Variants in ZNF546 observed in about 807,000 individuals in gnomAD.
The protein encoded by ZNF546 is zinc finger protein 546.
ZNF546 carries 60 observed loss-of-function variants against 76.2 expected under a neutral mutation model. That is an observed-to-expected ratio of 0.79 (90% confidence interval 0.64 to 0.98). The LOEUF (loss-of-function observed/expected upper bound fraction) is 0.98, where lower values mean the gene tolerates loss of function less well. ZNF546 is among the 50% of genes least tolerant of loss of function. The pLI, the probability that ZNF546 is intolerant of heterozygous loss-of-function variation, is 0.00. For synonymous variants in ZNF546, 277 were observed against 328.1 expected, an observed-to-expected ratio of 0.84 and a Z score of 1.68; for missense variants, 936 against 1,035.6, an observed-to-expected ratio of 0.90 and a Z score of 1.32.
chr19:40,005,945 G>A, intron 3 of ZNF546, 151 bp from the exon 4 acceptor site: 1 of 706,016 alleles, frequency 1.4e-6, no homozygotes, highest in Non-Finnish European at 2.4e-6. Flanking sequence ...CACCACCCCA[G>A]CCTTGATATT....
chr19:40,003,447 A>G (rs1039744101), intron 3 of ZNF546, among the ~76,000 whole-genome samples: 2 of 152,196 alleles, frequency 1.3e-5, no homozygotes, highest in African/African-American at 2.4e-5. Flanking sequence ...GTTAGATTCA[A>G]AAACAAAGTT....
rs137912460 is a variant in ZNF546, at chr19:40,014,987, C to T, written c.1717C>T (p.Arg573Ter). Residue 573 changes from arginine (R) to a stop codon, truncating the protein, a stop_gained, in exon 7 of 7, where the codon CGA (arginine) becomes TGA (stop). Transcript: ENST00000347077. LOFTEE classifies it high-confidence loss of function. The stretch of plus-strand genomic sequence containing the variant: ...TAGCAATCAATTTATTTCACACCAG[C>T]GAATTCACACCAGTGAGAGCACCTA... ...IHSNQFISHQ[R>*]IHTSESTYIC... is the part of the protein sequence containing the mutation. 85 of 1,611,246 alleles carry T rather than the reference C, an allele frequency of 5.3e-5. No individual in the cohort carries two copies. The highest frequency in any genetic ancestry group is 1.4e-4 in the African/African-American group (10 of 73,944).
rs1479707190 is a variant in ZNF546 at position 40,014,494 on chromosome 19, T to C, written c.1224T>C (p.Thr408=). 6.2e-7 allele frequency: 1 copy of C among 1,613,952 alleles called. No homozygotes were observed. The highest frequency in any genetic ancestry group is 1.1e-5 in the South Asian group (1 of 91,060). Residue 408 remains threonine, a synonymous_variant, in exon 7 of 7, where the codon ACT becomes ACC. Coordinates refer to ENST00000347077, the MANE Select transcript of ZNF546 (RefSeq NM_178544.5). The part of the protein sequence containing the change: ...SYLVQHQKIH[T]GEKPYECKEC... The stretch of plus-strand genomic sequence containing the variant: ...TTGTTCAACATCAGAAAATTCATAC[T>C]GGTGAAAAACCCTACGAATGTAAAG...
rs1971743935 is a variant in ZNF546 at position 40,015,238 on chromosome 19, C to T, written c.1968C>T (p.His656=). ...GTAGCACTCATCTCACGCAACATCACAGAATTCATACTGGTGAGAAACCCT... is the reference window on the plus strand; with the variant it reads ...GTAGCACTCATCTCACGCAACATCATAGAATTCATACTGGTGAGAAACCCT... ...FIRSTHLTQH[H]RIHTGEKPYE... The change falls in exon 7 of 7, where the codon CAC becomes CAT. Residue 656 remains histidine, a synonymous_variant. Transcript: ENST00000347077. 2 of 1,613,750 alleles carry T rather than the reference C, an allele frequency of 1.2e-6. No individual in the cohort carries two copies. Among genetic ancestry groups the T allele is most frequent in the South Asian group, 1.1e-5 (1 of 91,070 alleles).
At chr19:40,008,319 G>A (rs1226378312) in intron 5 of ZNF546, 151 bp from the exon 6 acceptor site, 2 of 476,032 alleles carry the variant, frequency 4.2e-6, no homozygotes, top group African/African-American at 3.8e-5. Flanking sequence ...ATTCTTAGAT[G>A]GCCTTTTTCT....
At chr19:40,012,804 T>C (rs2144648807) in intron 6 of ZNF546, among the ~76,000 whole-genome samples, 1 of 152,116 alleles carries the variant, frequency 6.6e-6, no homozygotes, top group Admixed American at 6.5e-5. Flanking sequence ...CCTATTCACC[T>C]ATTTTACCAT....
chr19:39,997,682 A>G (rs2144632920), intron 1 of ZNF546, among the ~76,000 whole-genome samples, 179 bp from the exon 2 acceptor site: 1 of 152,186 alleles, frequency 6.6e-6, no homozygotes, highest in Admixed American at 6.5e-5. Flanking sequence ...CCTTTGATCT[A>G]GAAACCTGGT....
Position 40,015,771 on chromosome 19 carries a change from G to T in ZNF546, c.2501G>T (p.Cys834Phe). ...QRNHISEEVLCIM is the reference protein window; with the variant it reads ...QRNHISEEVLFIM ...AATCATATTAGTGAGGAAGTCCTAT[G>T]CATAATGTAAAGAGAATACGATGGC... is the stretch of plus-strand genomic sequence containing the variant. Residue 834 changes from cysteine (C) to phenylalanine (F), a missense_variant, in exon 7 of 7, where the codon TGC (cysteine) becomes TTC (phenylalanine). Cys to Phe is a radical substitution (Grantham distance 205). Transcript: ENST00000347077. 6.2e-7 allele frequency: 1 copy of T among 1,612,606 alleles called. No individual in the cohort carries two copies.
rs1327180087 is a variant in ZNF546 at position 39,998,235 on chromosome 19, T to C, written c.-79-13T>C. 8.4e-6 allele frequency: 8 copies of C among 954,432 alleles called. No individual in the cohort carries two copies. Among genetic ancestry groups the C allele is most frequent in the Non-Finnish European group, 1.3e-5 (8 of 610,608 alleles). 59.1% of individuals were successfully genotyped at this position (954,432 alleles called of 1,614,324 possible). A position where few individuals can be genotyped will look rare whatever the true frequency, so the allele number is the denominator to read the frequency against. ...AATCTTTAAATAAATGCATAAAATG[T>C]TTTTGTTTTTAGGAAATGGAAACAT... On this transcript the variant is annotated splice_polypyrimidine_tract_variant and intron_variant, in intron 2 of 6. Coordinates refer to ENST00000347077, the MANE Select transcript of ZNF546 (RefSeq NM_178544.5).
rs778554834 is a variant in ZNF546 at position 40,015,493 on chromosome 19, A to T, written c.2223A>T (p.Arg741Ser). Residue 741 changes from arginine (R) to serine (S), a missense_variant, in exon 7 of 7, where the codon AGA (arginine) becomes AGT (serine). Transcript: ENST00000347077. ...SRRYHLTQHFRLHTGEKPYSC... is the reference protein window; with the variant it reads ...SRRYHLTQHFSLHTGEKPYSC... ...GGTATCATCTTACTCAACATTTTAG[A>T]CTTCATACTGGTGAGAAACCTTATA... 7.4e-6 allele frequency: 12 copies of T among 1,614,190 alleles called. No individual in the cohort carries two copies. In the South Asian group the frequency reaches 1.3e-4, roughly 18 times the overall value.
At chr19:40,012,987 G>C (rs532271483) in intron 6 of ZNF546, among the ~76,000 whole-genome samples, 7 of 151,932 alleles carry the variant, frequency 4.6e-5, no homozygotes, top group African/African-American at 1.4e-4. Context: ...CTAATTTTTT[G>C]TATTTTTAGT....
In ZNF546 at chr19:40,015,865, G is replaced by T. The variant is rs74868040; in HGVS notation, c.*84G>T. 1.8e-3 allele frequency: 2,292 copies of T among 1,262,566 alleles called. 21 individuals carry two copies. In the African/African-American group the frequency reaches 0.028, roughly 15 times the overall value. The allele number at this position is 1,262,566 out of a possible 1,614,324, so 78.2% of individuals were successfully genotyped here. Reference sequence around the variant, plus strand: ...TTTTCTGTTTGTTACGGAACATGTGGGAATCCCTTTTACTTCATGCTCACA... The same window carrying T: ...TTTTCTGTTTGTTACGGAACATGTGTGAATCCCTTTTACTTCATGCTCACA... On this transcript the variant is annotated 3_prime_UTR_variant, in exon 7 of 7. Coordinates refer to ENST00000347077, the MANE Select transcript of ZNF546 (RefSeq NM_178544.5).
intron 6 of ZNF546, among the ~76,000 whole-genome samples, chr19:40,012,686 G>T (rs1971687674): frequency 6.6e-6 from 1 of 152,136 alleles, no homozygotes; most frequent in Non-Finnish European, 1.5e-5. Flanking sequence ...TCCAGGACTT[G>T]CTCCTATAGA....
At chr19:40,004,994 C>T (rs1255454401) in intron 3 of ZNF546, among the ~76,000 whole-genome samples, 2 of 150,438 alleles carry the variant, frequency 1.3e-5, no homozygotes, top group Non-Finnish European at 3.0e-5. Context: ...TTTTGCACCC[C>T]TAACCTGCAT....
Position 40,013,723 on chromosome 19 carries a change from CTATT to C in ZNF546, c.457_460del (p.Ser154AsnfsTer43), listed in dbSNP as rs1286399512. On this transcript the variant is annotated frameshift_variant, in exon 7 of 7. Coordinates refer to ENST00000347077, the MANE Select transcript of ZNF546 (RefSeq NM_178544.5). LOFTEE classifies it high-confidence loss of function. ...TTTCAGAAAAGAATGTTTGCAAAAT[CTATT>C]TATCTCAATTGCAGACAGGGGAAAA... 3.9e-6 allele frequency: 6 copies of C among 1,528,700 alleles called. No individual in the cohort carries two copies. The highest frequency in any genetic ancestry group is 5.3e-6 in the Non-Finnish European group (6 of 1,132,318). 94.7% of individuals were successfully genotyped at this position (1,528,700 alleles called of 1,614,324 possible).
chr19:40,015,102 G>A lies in ZNF546; in HGVS notation c.1832G>A (p.Cys611Tyr). ...KIHTGEKPYICNECGKAFRFQ... is the reference protein window; with the variant it reads ...KIHTGEKPYIYNECGKAFRFQ... The stretch of plus-strand genomic sequence containing the variant: ...CATACTGGTGAAAAACCCTACATAT[G>A]TAATGAATGTGGGAAAGCCTTTCGA... Residue 611 changes from cysteine to tyrosine, a missense_variant, in exon 7 of 7, where the codon TGT becomes TAT. Physicochemically the swap from Cys to Tyr is radical, Grantham distance 194. Transcript: ENST00000347077. 2.5e-6 allele frequency: 4 copies of A among 1,614,056 alleles called. No homozygotes were observed. Among genetic ancestry groups the A allele is most frequent in the Non-Finnish European group, 3.4e-6 (4 of 1,179,962 alleles).
rs1191835070 is a variant in ZNF546, at chr19:40,018,353, CAG to C, written c.*2574_*2575del. The C allele has an allele frequency of 2.0e-5, 3 of 152,140 alleles. No individual in the cohort carries two copies. Among genetic ancestry groups the C allele is most frequent in the Non-Finnish European group, 4.4e-5 (3 of 68,034 alleles). The allele number at this position is 152,140 out of a possible 1,614,324, so 9.4% of individuals were successfully genotyped here. A position where few individuals can be genotyped will look rare whatever the true frequency, so the allele number is the denominator to read the frequency against. On this transcript the variant is annotated 3_prime_UTR_variant, in exon 7 of 7. Coordinates refer to ENST00000347077, the MANE Select transcript of ZNF546 (RefSeq NM_178544.5). ...TTGGGATTAGAGACCCAATTAGGGA[CAG>C]ATTAAATATTTTGGCAAGAATACTT...
rs1289520522 is a variant in ZNF546, at chr19:40,008,478, A to G, written c.307A>G (p.Ile103Val). The change falls in exon 6 of 7, where the codon ATT (isoleucine) becomes GTT (valine). Residue 103 changes from isoleucine to valine, a missense_variant. Coordinates refer to ENST00000347077, the MANE Select transcript of ZNF546 (RefSeq NM_178544.5). ...YSNLVSLGYTIPKPDVITLLE... is the reference protein window; with the variant it reads ...YSNLVSLGYTVPKPDVITLLE... Reference sequence around the variant, plus strand: ...TCTTTTCTCATGAGCAGGATATACCATTCCTAAGCCAGATGTGATTACTTT... The same window carrying G: ...TCTTTTCTCATGAGCAGGATATACCGTTCCTAAGCCAGATGTGATTACTTT... The G allele has an allele frequency of 1.7e-5, 27 of 1,609,164 alleles. No individual in the cohort carries two copies. The highest frequency in any genetic ancestry group is 2.2e-5 in the Non-Finnish European group (26 of 1,176,650).
At chr19:40,005,756 C>T (rs971791553) in intron 3 of ZNF546, among the ~76,000 whole-genome samples, 1 of 151,896 alleles carries the variant, frequency 6.6e-6, no homozygotes, top group Non-Finnish European at 1.5e-5. Flanking sequence ...AGCTCTGCCT[C>T]TTACTAACTG....
Sources: gnomAD v4.1 joint callset for allele counts (sites outside exome capture counted in the v4.1 genomes callset) on GRCh38, gnomAD v4.1.1 for gene constraint, MANE v1.5 for transcripts, NCBI Gene and HGNC (gene_info 2026-07-23, HGNC 2026-07-21) for gene names.